The following PCDHGB4 variants were observed in gnomAD, a reference collection of about 807,000 sequenced individuals.
PCDHGB4 encodes protocadherin gamma-B4.
PCDHGB4 carries 38 observed loss-of-function variants against 60.5 expected under a neutral mutation model. The observed-to-expected ratio is 0.63, with a 90% CI of 0.48 to 0.82. PCDHGB4 has a LOEUF of 0.82. PCDHGB4 is among the 40% of genes least tolerant of loss of function. The pLI, the probability that PCDHGB4 is intolerant of heterozygous loss-of-function variation, is 0.00. For missense variants in PCDHGB4, 1,109 were observed against 1,209.6 expected (o/e 0.92, Z 1.23); for synonymous variants, 456 against 509.7 (o/e 0.89, Z 1.42).
chr5:141,489,284 T>A lies in PCDHGB4; in HGVS notation c.2398-5523T>A. On this transcript the variant is annotated intron_variant, in intron 1 of 3. Transcript: ENST00000519479. This position sits in a 1 kb window ranked among gnomAD's most constrained non-coding sequence, Gnocchi z 4.5. ...CCACAGCTCGCTGGGAAATGGCAAG[T>A]GCTGTGCATGTTGTCCTTGTGCTGC... The A allele has an allele frequency of 6.4e-7, 1 of 1,570,016 alleles. No homozygotes were observed. The highest frequency in any genetic ancestry group is 2.2e-5 in the East Asian group (1 of 44,588).
intron 1 of PCDHGB4, among the ~76,000 whole-genome samples, chr5:141,479,107 G>A (rs1212999480): frequency 6.6e-6 from 1 of 152,090 alleles, no homozygotes; most frequent in Non-Finnish European, 1.5e-5. Flanking sequence ...TTTATTTCAA[G>A]CATTCTACTG....
chr5:141,418,517 C>G, intron 1 of PCDHGB4: 1 of 1,613,918 alleles, frequency 6.2e-7, no homozygotes. Flanking sequence ...TGGTGGGGAC[C>G]CTCCCCGAAG....
Position 141,431,518 on chromosome 5 carries a change from G to T in PCDHGB4, c.2397+41237G>T. 6.2e-7 allele frequency: 1 copy of T among 1,614,090 alleles called. No individual in the cohort carries two copies. Among genetic ancestry groups the T allele is most frequent in the Non-Finnish European group, 8.5e-7 (1 of 1,180,038 alleles). ...CCGAGTACCGCGCGAGCGTTCCGGA[G>T]AATCTGGCCTTGGGCACGCAGCTGC... On this transcript the variant is annotated intron_variant, in intron 1 of 3. Coordinates refer to ENST00000519479, the MANE Select transcript of PCDHGB4 (RefSeq NM_003736.4). The surrounding 1 kb of genome is among the most constrained non-coding windows in gnomAD (Gnocchi z 4.8).
Position 141,486,200 on chromosome 5 carries a change from G to A in PCDHGB4, c.2398-8607G>A, listed in dbSNP as rs764874531. The stretch of plus-strand genomic sequence containing the variant: ...CAGCCTTCGAGTGGATCTGCTGGAC[G>A]TAAATGACAATGCCCCTTACATCAC... On this transcript the variant is annotated intron_variant, in intron 1 of 3. Transcript: ENST00000519479. The surrounding 1 kb of genome is among the most constrained non-coding windows in gnomAD (Gnocchi z 5.0). The A allele has an allele frequency of 2.0e-5, 32 of 1,614,096 alleles. No homozygotes were observed. Among genetic ancestry groups the A allele is most frequent in the Non-Finnish European group, 2.3e-5 (27 of 1,180,040 alleles).
rs750164473 is a variant in PCDHGB4 at position 141,432,286 on chromosome 5, C to G, written c.2397+42005C>G. Reference sequence around the variant, plus strand: ...TATCGTCCTACGTGTCCATCAACTCCGACACTGGGGTACTGTATGCGCTGA... The same window carrying G: ...TATCGTCCTACGTGTCCATCAACTCGGACACTGGGGTACTGTATGCGCTGA... On this transcript the variant is annotated intron_variant, in intron 1 of 3. Transcript: ENST00000519479. This position sits in a 1 kb window ranked among gnomAD's most constrained non-coding sequence, Gnocchi z 6.0. The G allele has an allele frequency of 6.2e-7, 1 of 1,614,252 alleles. No homozygotes were observed. The highest frequency in any genetic ancestry group is 1.3e-5 in the African/African-American group (1 of 75,070).
intron 1 of PCDHGB4, chr5:141,441,364 C>T (rs533396852): frequency 6.6e-6 from 1 of 152,646 alleles, no homozygotes; most frequent in South Asian, 2.1e-4. Context: ...CAAATGGGGC[C>T]GTGGACCAGG....
Position 141,389,525 on chromosome 5 carries a change from CGT to C in PCDHGB4, c.1644_1645del (p.Leu549SerfsTer61). On this transcript the variant is annotated frameshift_variant, in exon 1 of 4. Coordinates refer to ENST00000519479, the MANE Select transcript of PCDHGB4 (RefSeq NM_003736.4). LOFTEE classifies it high-confidence loss of function. ...CGCTCAGCGCGAACGTGAGCCTGCG[CGT>C]GTTAGTGGACGACCGCAACGACAAT... ...PALSANVSLR[V>X]LVDDRNDNAP... The C allele has an allele frequency of 6.2e-7, 1 of 1,613,170 alleles. No individual in the cohort carries two copies. The highest frequency in any genetic ancestry group is 8.5e-7 in the Non-Finnish European group (1 of 1,179,756).
intron 1 of PCDHGB4, chr5:141,409,804 C>T (rs766279863): frequency 6.2e-7 from 1 of 1,611,772 alleles, no homozygotes; most frequent in South Asian, 1.1e-5. Context: ...CGCTGCAGGC[C>T]CGCGACCACG....
Position 141,490,667 on chromosome 5 carries a change from T to C in PCDHGB4, c.2398-4140T>C, listed in dbSNP as rs906656199. The stretch of plus-strand genomic sequence containing the variant: ...CCTCCGGGCTCCCTTCTTTGCACTG[T>C]GGCTGCCTCAGATCCAGACACTGGG... On this transcript the variant is annotated intron_variant, in intron 1 of 3. Transcript: ENST00000519479. This position sits in a 1 kb window ranked among gnomAD's most constrained non-coding sequence, Gnocchi z 5.4. The C allele has an allele frequency of 6.8e-6, 11 of 1,614,206 alleles. 1 individual carries two copies. The highest frequency in any genetic ancestry group is 4.5e-5 in the East Asian group (2 of 44,876).
At chr5:141,494,654 G>A in intron 1 of PCDHGB4, 153 bp from the exon 2 acceptor site, 1 of 966,640 alleles carries the variant, frequency 1.0e-6, no homozygotes, top group South Asian at 4.8e-5. Context: ...GGTGTATTTT[G>A]TCTTTGGAGA....
chr5:141,423,765 G>A (rs775053869), intron 1 of PCDHGB4: 11 of 233,406 alleles, frequency 4.7e-5, no homozygotes, highest in Admixed American at 1.2e-4. Context: ...GGGGGGTGGG[G>A]CGGCATATAT....
At chr5:141,441,102 C>G (rs1057297804) in intron 1 of PCDHGB4, 1 of 152,148 alleles carries the variant, frequency 6.6e-6, no homozygotes, top group East Asian at 1.9e-4. Context: ...GAGAGGGACT[C>G]ATTGTCCAGT....
intron 1 of PCDHGB4, chr5:141,411,661 C>T (rs2095505180): frequency 6.6e-6 from 1 of 150,762 alleles, no homozygotes; most frequent in African/African-American, 2.4e-5. Context: ...GGTGGAGAAT[C>T]TCTTGAGCGC....
intron 1 of PCDHGB4, chr5:141,410,939 C>T (rs960754863): frequency 5.1e-5 from 10 of 195,446 alleles, no homozygotes; most frequent in South Asian, 1.1e-4. Flanking sequence ...CTGCAACCTC[C>T]GCCTTCTGGG....
At position 141,394,884 on chromosome 5, in the gene PCDHGB4, C is replaced by G. The variant is rs2093119839; in HGVS notation, c.2397+4603C>G. The G allele has an allele frequency of 1.2e-6, 2 of 1,613,784 alleles. 1 individual carries two copies. Among genetic ancestry groups the G allele is most frequent in the Admixed American group, 3.3e-5 (2 of 60,002 alleles). On this transcript the variant is annotated intron_variant, in intron 1 of 3. Coordinates refer to ENST00000519479, the MANE Select transcript of PCDHGB4 (RefSeq NM_003736.4). ...CGACCCGAACGATTCGAGCCTTACACTCTATCTCGTGGTGGCAGTGGCTGC... is the reference window on the plus strand; with the variant it reads ...CGACCCGAACGATTCGAGCCTTACAGTCTATCTCGTGGTGGCAGTGGCTGC...
At chr5:141,409,502 T>G (rs1311120933) in intron 1 of PCDHGB4, 17 of 1,613,868 alleles carry the variant, frequency 1.1e-5, no homozygotes, top group Non-Finnish European at 1.4e-5. Context: ...GCCTCTTTCT[T>G]CCAGTAGAAG....
chr5:141,476,078 C>G lies in PCDHGB4; in HGVS notation c.2398-18729C>G. On this transcript the variant is annotated intron_variant, in intron 1 of 3. Transcript: ENST00000519479. The surrounding 1 kb of genome is among the most constrained non-coding windows in gnomAD (Gnocchi z 7.6). ...AAGTTTCTCAGCGAAATCTCAGGGA[C>G]GATCTGGACCCCGCTGAGAGGAACT... is the stretch of plus-strand genomic sequence containing the variant. 1 of 1,528,034 alleles carries G rather than the reference C, an allele frequency of 6.5e-7. No homozygotes were observed. 94.7% of individuals were successfully genotyped at this position (1,528,034 alleles called of 1,614,324 possible).
rs1476081470 is a variant in PCDHGB4, at chr5:141,432,757, C to G, written c.2397+42476C>G. 2.5e-6 allele frequency: 4 copies of G among 1,614,150 alleles called. No homozygotes were observed. The highest frequency in any genetic ancestry group is 1.3e-5 in the African/African-American group (1 of 75,076). ...TCACGCTCACCGTGGCCGTGGCCGA[C>G]AGCATCCCCCAAGTCCTGGCGGACC... On this transcript the variant is annotated intron_variant, in intron 1 of 3. Coordinates refer to ENST00000519479, the MANE Select transcript of PCDHGB4 (RefSeq NM_003736.4). This position sits in a 1 kb window ranked among gnomAD's most constrained non-coding sequence, Gnocchi z 6.0.
At chr5:141,401,856 T>C (rs778189763) in intron 1 of PCDHGB4, among the ~76,000 whole-genome samples, 2 of 152,228 alleles carry the variant, frequency 1.3e-5, no homozygotes, top group Non-Finnish European at 2.9e-5. Context: ...ACTTTTAACC[T>C]TTCAGTAGTT....
Sources: gnomAD v4.1 joint callset for allele counts (sites outside exome capture counted in the v4.1 genomes callset) on GRCh38, gnomAD v4.1.1 for gene constraint, Gnocchi (gnomAD v3.1) non-coding constraint, MANE v1.5 for transcripts, NCBI Gene and HGNC (gene_info 2026-07-23, HGNC 2026-07-21) for gene names.